The following TMEM260 variants were observed in gnomAD, a reference collection of about 807,000 sequenced individuals.
The protein encoded by TMEM260 is protein O-mannosyl-transferase TMEM260.
TMEM260 carries 82 observed loss-of-function variants against 88.9 expected under a neutral mutation model. The ratio of observed to expected loss-of-function variants is 0.92; its 90% CI spans 0.77 to 1.11. The LOEUF (loss-of-function observed/expected upper bound fraction) is 1.11, where lower values mean the gene tolerates loss of function less well. Ranked by LOEUF, TMEM260 falls within the 50% of genes least tolerant of loss-of-function variation. TMEM260 has a pLI of 0.00. For missense variants in TMEM260, 902 were observed against 853.4 expected (o/e 1.06, Z -0.71); for synonymous variants, 314 against 309.3 (o/e 1.02, Z -0.16).
chr14:56,635,881 T>A (rs891526214), intron 14 of TMEM260, among the ~76,000 whole-genome samples: 2 of 152,168 alleles, frequency 1.3e-5, no homozygotes, highest in African/African-American at 4.8e-5. Context: ...GCAATAGTAT[T>A]TTTGAATAAG....
Position 56,616,032 on chromosome 14 carries a change from GT to G in TMEM260, c.941+6del. Reference sequence around the variant, plus strand: ...AAATATATGTTTAGCAACAAAGTAAGTAATACAATTCCTTTTTCTGTTATTT... The same window carrying G: ...AAATATATGTTTAGCAACAAAGTAAGAATACAATTCCTTTTTCTGTTATTT... On this transcript the variant is annotated splice_donor_region_variant and intron_variant, in intron 8 of 15. Coordinates refer to ENST00000261556, the MANE Select transcript of TMEM260 (RefSeq NM_017799.4). 6.3e-7 allele frequency: 1 copy of G among 1,592,226 alleles called. No homozygotes were observed. Among genetic ancestry groups the G allele is most frequent in the Non-Finnish European group, 8.6e-7 (1 of 1,160,880 alleles).
Position 56,636,597 on chromosome 14 carries a change from A to G in TMEM260, c.1868A>G (p.Asp623Gly), listed in dbSNP as rs143464064. ...GCTCAACTCTACGCTCAAGCATATG[A>G]CGTATGTTACACTTTTATATGTAGA... is the stretch of plus-strand genomic sequence containing the variant. The part of the protein sequence containing the change: ...VKAQLYAQAY[D>G]LYKEIVYLQK... Residue 623 changes from aspartate to glycine, a missense_variant and splice_region_variant, in exon 15 of 16, where the codon GAC becomes GGC. Physicochemically the swap from Asp to Gly is moderately conservative, Grantham distance 94 (BLOSUM62 -1). Coordinates refer to ENST00000261556, the MANE Select transcript of TMEM260 (RefSeq NM_017799.4). 8.1e-6 allele frequency: 13 copies of G among 1,613,090 alleles called. No individual in the cohort carries two copies. The African/African-American group carries it at 1.6e-4, about 20-fold the overall frequency.
chr14:56,649,268 T>C lies in TMEM260; in HGVS notation c.*1771T>C, dbSNP rs1594910355. 1 of 152,656 alleles carries C rather than the reference T, an allele frequency of 6.6e-6. No individual in the cohort carries two copies. The highest frequency in any genetic ancestry group is 2.4e-5 in the African/African-American group (1 of 41,452). The allele number at this position is 152,656 out of a possible 1,614,324, so 9.5% of individuals were successfully genotyped here. Reference sequence around the variant, plus strand: ...ATGAATTGAAGTTGTTGAGTACTAATTGGCAAAGACTTTTAATCATGGGCC... The same window carrying C: ...ATGAATTGAAGTTGTTGAGTACTAACTGGCAAAGACTTTTAATCATGGGCC... On this transcript the variant is annotated 3_prime_UTR_variant, in exon 16 of 16. Coordinates refer to ENST00000261556, the MANE Select transcript of TMEM260 (RefSeq NM_017799.4).
At chr14:56,605,925 A>C (rs3737169) in intron 5 of TMEM260, among the ~76,000 whole-genome samples, 9,615 of 152,264 alleles carry the variant, frequency 0.063, 384 homozygotes, top group East Asian at 0.16. Context: ...CATCTTGATG[A>C]AAGTAGGCTG....
chr14:56,656,287 C>T, the TMEM260 span, among the ~76,000 whole-genome samples: 1 of 151,988 alleles, frequency 6.6e-6, no homozygotes, highest in Non-Finnish European at 1.5e-5. Flanking sequence ...AGCATGGTGT[C>T]GTGTGCCTGT....
Position 56,621,621 on chromosome 14 carries a change from A to G in TMEM260, c.1317A>G (p.Arg439=). Residue 439 remains arginine, a synonymous_variant, in exon 11 of 16, where the codon AGA becomes AGG. Coordinates refer to ENST00000261556, the MANE Select transcript of TMEM260 (RefSeq NM_017799.4). ...SMPHDAIILL[R]GDLPGNSLRY... ...CTCATGATGCAATTATCTTACTCAG[A>G]GGAGATTTGCCAGGAAATTCTCTCC... The G allele has an allele frequency of 6.2e-7, 1 of 1,613,692 alleles. No homozygotes were observed. The highest frequency in any genetic ancestry group is 8.5e-7 in the Non-Finnish European group (1 of 1,179,806).
At chr14:56,605,103 G>C (rs909945943) in intron 4 of TMEM260, among the ~76,000 whole-genome samples, 1 of 152,160 alleles carries the variant, frequency 6.6e-6, no homozygotes, top group Non-Finnish European at 1.5e-5. Flanking sequence ...CTTGAGTTTG[G>C]TCAACGAGAG....
the TMEM260 span, among the ~76,000 whole-genome samples, chr14:56,656,183 G>A: frequency 2.0e-5 from 3 of 152,162 alleles, no homozygotes; most frequent in African/African-American, 2.4e-5. Context: ...TTGGGAGGCT[G>A]AGATGGAAGG....
intron 3 of TMEM260, among the ~76,000 whole-genome samples, chr14:56,591,120 A>G (rs1237888889): frequency 6.6e-6 from 1 of 152,242 alleles, no homozygotes; most frequent in African/African-American, 2.4e-5. Flanking sequence ...AAAAACTTAA[A>G]AAACATTTAA....
At chr14:56,641,042 G>C (rs887785603) in intron 15 of TMEM260, among the ~76,000 whole-genome samples, 11 of 151,952 alleles carry the variant, frequency 7.2e-5, no homozygotes, top group Non-Finnish European at 1.3e-4. Context: ...TGTCTGATTG[G>C]TGTACCTGAA....
Position 56,585,039 on chromosome 14 carries a change from A to G in TMEM260, c.192+7A>G, listed in dbSNP as rs1328429585. 1.9e-6 allele frequency: 3 copies of G among 1,610,388 alleles called. No individual in the cohort carries two copies. The highest frequency in any genetic ancestry group is 2.2e-5 in the East Asian group (1 of 44,790). ...AGCCGCACATGAGCTTGGAGTAAGTATTAGTTTTATTGTTTAATCAATGCT... is the reference window on the plus strand; with the variant it reads ...AGCCGCACATGAGCTTGGAGTAAGTGTTAGTTTTATTGTTTAATCAATGCT... On this transcript the variant is annotated splice_region_variant and intron_variant, in intron 2 of 15. Coordinates refer to ENST00000261556, the MANE Select transcript of TMEM260 (RefSeq NM_017799.4).
At chr14:56,608,110 T>A (rs953488862) in intron 5 of TMEM260, among the ~76,000 whole-genome samples, 2 of 152,224 alleles carry the variant, frequency 1.3e-5, no homozygotes, top group African/African-American at 4.8e-5. Context: ...GCTATAGAAA[T>A]CTCAAATGAA....
intron 12 of TMEM260, among the ~76,000 whole-genome samples, chr14:56,626,070 T>G (rs766054900): frequency 6.6e-6 from 1 of 152,208 alleles, no homozygotes; most frequent in African/African-American, 2.4e-5. Context: ...AAATAATTCC[T>G]CCGATGGCAC....
At chr14:56,653,735 C>CCAAAAAAAAAAAAA (rs1555343529), downstream of TMEM260, among the ~76,000 whole-genome samples, 17 of 11,008 alleles carry the variant, frequency 1.5e-3, no homozygotes, top group South Asian at 0.01. Context: ...ACTCTTGTCT[C>CCAAAAAAAAAAAAA]CAAAACAAAA....
chr14:56,597,017 G>A (rs1886292169), intron 3 of TMEM260, among the ~76,000 whole-genome samples: 1 of 151,608 alleles, frequency 6.6e-6, no homozygotes, highest in African/African-American at 2.4e-5. Context: ...CCTATTTATT[G>A]CGTTTAATTG....
In TMEM260 at chr14:56,592,589, G is replaced by GC. The variant is rs1013882391; in HGVS notation, c.344+6677_344+6678insC. Among the ~76,000 whole-genome samples, 6 of 152,294 alleles carry GC rather than the reference G, an allele frequency of 3.9e-5. 1 individual carries two copies. Among genetic ancestry groups the GC allele is most frequent in the East Asian group, 1.9e-4 (1 of 5,182 alleles). On this transcript the variant is annotated intron_variant, in intron 3 of 15. Coordinates refer to ENST00000261556, the MANE Select transcript of TMEM260 (RefSeq NM_017799.4). Reference sequence around the variant, plus strand: ...TGGTGTTGATTATATGAATAAGCCTGAAGGGAACTTTTATATCATTTTCAT... The same window carrying GC: ...TGGTGTTGATTATATGAATAAGCCTGCAAGGGAACTTTTATATCATTTTCAT...
At chr14:56,617,983 G>A (rs1224933415) in intron 9 of TMEM260, among the ~76,000 whole-genome samples, 1 of 152,152 alleles carries the variant, frequency 6.6e-6, no homozygotes, top group Non-Finnish European at 1.5e-5. Context: ...TCCTCTTCCA[G>A]CATCCCAGAA....
At chr14:56,653,734 T>C (rs1158503148), downstream of TMEM260, among the ~76,000 whole-genome samples, 13 of 3,514 alleles carry the variant, frequency 3.7e-3, no homozygotes, top group African/African-American at 0.026. Flanking sequence ...GACTCTTGTC[T>C]CCAAAACAAA....
chr14:56,600,264 G>C (rs77803827), intron 3 of TMEM260, among the ~76,000 whole-genome samples: 2 of 152,158 alleles, frequency 1.3e-5, no homozygotes, highest in Admixed American at 6.5e-5. Flanking sequence ...AGAGGCGTAC[G>C]TCCTCTCTTC....
Sources: gnomAD v4.1 joint callset for allele counts (sites outside exome capture counted in the v4.1 genomes callset) on GRCh38, gnomAD v4.1.1 for gene constraint, MANE v1.5 for transcripts, NCBI Gene and HGNC (gene_info 2026-07-23, HGNC 2026-07-21) for gene names.